NRXN1: variants seen among roughly 807,000 people sequenced by gnomAD.
The protein encoded by NRXN1 is neurexin 1, also known as neurexin-1.
A neutral mutation model predicts 150.9 loss-of-function variants in NRXN1; 39 were observed. That is an observed-to-expected ratio of 0.26 (90% CI 0.20 to 0.34). The LOEUF (loss-of-function observed/expected upper bound fraction) is 0.34, where lower values mean the gene tolerates loss of function less well. Among genes scored for constraint, NRXN1 ranks in the 10% least tolerant of loss-of-function variants. The probability of loss-of-function intolerance (pLI) is 1.00; values close to 1 mark genes in which losing one functional copy is unlikely to be tolerated. For synonymous variants in NRXN1, 924 were observed against 757.0 expected, an observed-to-expected ratio of 1.22 and a Z score of -3.62; for missense variants, 1,815 against 1,949.9, an observed-to-expected ratio of 0.93 and a Z score of 1.30.
intron 18 of NRXN1, among the ~76,000 whole-genome samples, chr2:50,229,243 C>T (rs1425769001): frequency 6.6e-6 from 1 of 151,880 alleles, no homozygotes; most frequent in Non-Finnish European, 1.5e-5. Context: ...GTTTTCTGGT[C>T]TTTGGCTGAC....
At chr2:50,901,532 G>A (rs1439339274) in intron 5 of NRXN1, among the ~76,000 whole-genome samples, 8 of 151,872 alleles carry the variant, frequency 5.3e-5, no homozygotes, top group South Asian at 2.1e-4. Flanking sequence ...GCGAGACTCC[G>A]TCCCCGCAAA....
chr2:50,935,164 T>C (rs1486356308), intron 2 of NRXN1, among the ~76,000 whole-genome samples: 1 of 152,206 alleles, frequency 6.6e-6, no homozygotes, highest in East Asian at 1.9e-4. Flanking sequence ...TACTATCTTA[T>C]ATAATGTATT....
chr2:50,331,173 A>C (rs1470357302), intron 17 of NRXN1, among the ~76,000 whole-genome samples: 1 of 152,158 alleles, frequency 6.6e-6, no homozygotes, highest in East Asian at 1.9e-4. Context: ...AAAATCTAAA[A>C]CTTTAAAAAT....
In NRXN1 at chr2:50,111,564, G is replaced by A. The variant is rs201663775; in HGVS notation, c.3547-20070C>T. 1.9e-4 allele frequency among the ~76,000 whole-genome samples: 29 copies of A among 151,988 alleles called. No individual in the cohort carries two copies. In the East Asian group the frequency reaches 5.6e-3, roughly 30 times the overall value. ...TGAAGCAGGAGAATAGCTATAGCCT[G>A]TGAGGCAGAGGTTGCAGTGAGCCAA... On this transcript the variant is annotated intron_variant, in intron 18 of 22. Coordinates refer to ENST00000401669, the MANE Select transcript of NRXN1 (RefSeq NM_001330078.2).
At chr2:50,402,503 C>G (rs748193114) in intron 17 of NRXN1, among the ~76,000 whole-genome samples, 1 of 151,990 alleles carries the variant, frequency 6.6e-6, no homozygotes, top group Admixed American at 6.6e-5. Flanking sequence ...ACCCTTGAAA[C>G]GGTAATCAGC....
intron 5 of NRXN1, among the ~76,000 whole-genome samples, chr2:50,810,502 A>G (rs1180887054): frequency 6.6e-6 from 1 of 152,194 alleles, no homozygotes; most frequent in African/African-American, 2.4e-5. Context: ...TTTTACTCCC[A>G]GAAATTCATC....
intron 17 of NRXN1, among the ~76,000 whole-genome samples, chr2:50,433,130 C>G (rs950743072): frequency 1.3e-5 from 2 of 152,232 alleles, no homozygotes; most frequent in African/African-American, 2.4e-5. Context: ...AGTTATCACA[C>G]TCAAGCTATT....
chr2:50,627,786 A>G (rs569900474), intron 5 of NRXN1, among the ~76,000 whole-genome samples: 5 of 151,908 alleles, frequency 3.3e-5, no homozygotes, highest in South Asian at 2.1e-4. Flanking sequence ...CATGGAGTTT[A>G]TATGACCCTC....
At chr2:49,930,815 A>G (rs1669994536) in intron 22 of NRXN1, among the ~76,000 whole-genome samples, 1 of 152,232 alleles carries the variant, frequency 6.6e-6, no homozygotes, top group South Asian at 2.1e-4. Context: ...TAAATTTTCA[A>G]GGGTAAACTA....
chr2:50,194,296 C>G (rs1390706183), intron 18 of NRXN1, among the ~76,000 whole-genome samples: 1 of 152,136 alleles, frequency 6.6e-6, no homozygotes, highest in African/African-American at 2.4e-5. Context: ...CAGCAGTTGA[C>G]TAGTTTTCCA....
At chr2:49,942,964 C>T (rs937500459) in intron 22 of NRXN1, among the ~76,000 whole-genome samples, 13 of 152,086 alleles carry the variant, frequency 8.5e-5, no homozygotes, top group Admixed American at 7.2e-4. Flanking sequence ...CAAACCAAAA[C>T]AAAACTAATG....
intron 8 of NRXN1, among the ~76,000 whole-genome samples, chr2:50,604,662 C>G (rs1676809348): frequency 6.6e-6 from 1 of 152,134 alleles, no homozygotes; most frequent in Non-Finnish European, 1.5e-5. Flanking sequence ...TACTACTTTT[C>G]TCAAATGTTA....
rs1001134462 is a variant in NRXN1, at chr2:50,538,741, C to G, written c.1760-105G>C. ...TGATGGTTAACTCCTTGGAGGCAGACAATTATTATTATTCTTTCTGTCCTC... is the reference window on the plus strand; with the variant it reads ...TGATGGTTAACTCCTTGGAGGCAGAGAATTATTATTATTCTTTCTGTCCTC... On this transcript the variant is annotated intron_variant, in intron 9 of 22. Transcript: ENST00000401669. The G allele has an allele frequency of 1.1e-5, 10 of 879,666 alleles. No homozygotes were observed. In the African/African-American group the frequency reaches 1.6e-4, roughly 14 times the overall value. The allele number at this position is 879,666 out of a possible 1,614,324, so 54.5% of individuals were successfully genotyped here.
chr2:50,315,457 T>C (rs1384175791), intron 17 of NRXN1, among the ~76,000 whole-genome samples: 1 of 152,110 alleles, frequency 6.6e-6, no homozygotes, highest in African/African-American at 2.4e-5. Context: ...AGCACTTCAA[T>C]CATGCTCTTT....
intron 5 of NRXN1, among the ~76,000 whole-genome samples, chr2:50,807,206 T>C (rs910644535): frequency 3.3e-5 from 5 of 152,114 alleles, no homozygotes; most frequent in African/African-American, 1.2e-4. Context: ...GACATAAAGA[T>C]ATAAAAAACT....
intron 21 of NRXN1, among the ~76,000 whole-genome samples, chr2:49,979,417 G>A (rs1679589240): frequency 1.3e-5 from 2 of 152,170 alleles, no homozygotes; most frequent in Non-Finnish European, 2.9e-5. Flanking sequence ...TTGCTATCAG[G>A]GAGAGGAAGT....
intron 17 of NRXN1, among the ~76,000 whole-genome samples, chr2:50,335,403 G>T (rs1043700578): frequency 6.6e-6 from 1 of 152,074 alleles, no homozygotes; most frequent in Non-Finnish European, 1.5e-5. Flanking sequence ...GAAATCTCTC[G>T]CAACTGTAAT....
At chr2:50,273,200 A>G (rs958824944) in intron 17 of NRXN1, among the ~76,000 whole-genome samples, 3 of 152,168 alleles carry the variant, frequency 2.0e-5, no homozygotes, top group South Asian at 2.1e-4. Flanking sequence ...ATTCAAATAC[A>G]TTGGAGGAAA....
intron 2 of NRXN1, among the ~76,000 whole-genome samples, chr2:50,929,598 C>A (rs1323258307): frequency 6.6e-6 from 1 of 152,064 alleles, no homozygotes; most frequent in African/African-American, 2.4e-5. Context: ...CAGATACCAG[C>A]ACTCCAAGGT....
Sources: gnomAD v4.1 joint callset for allele counts (sites outside exome capture counted in the v4.1 genomes callset) on GRCh38, gnomAD v4.1.1 for gene constraint, MANE v1.5 for transcripts, NCBI Gene and HGNC (gene_info 2026-07-23, HGNC 2026-07-21) for gene names.